Variants in GRIA2 observed in about 807,000 individuals in gnomAD.
GRIA2 encodes glutamate receptor 2.
A neutral mutation model predicts 97.3 loss-of-function variants in GRIA2; 14 were observed. The observed-to-expected ratio is 0.14, with a 90% CI of 0.10 to 0.23. GRIA2 has a LOEUF of 0.23. Ranked by LOEUF, GRIA2 falls within the 10% of genes least tolerant of loss-of-function variation. The probability of loss-of-function intolerance (pLI) is 1.00; values close to 1 mark genes in which losing one functional copy is unlikely to be tolerated. For synonymous variants in GRIA2, 412 were observed against 387.8 expected (o/e 1.06, Z -0.73); for missense variants, 558 against 1,069.8 (o/e 0.52, Z 6.67).
intron 14 of GRIA2, chr4:157,362,571 T>A: frequency 1.6e-6 from 1 of 606,340 alleles, no homozygotes; most frequent in South Asian, 1.7e-5. Context: ...AGAAGTTTAT[T>A]CCCTGCAGGT....
intron 2 of GRIA2, among the ~76,000 whole-genome samples, chr4:157,268,196 A>G (rs1731857018): frequency 2.0e-5 from 3 of 152,100 alleles, no homozygotes; most frequent in Non-Finnish European, 4.4e-5. Flanking sequence ...AATGTTTGGA[A>G]AATGACTTCA....
intron 6 of GRIA2, among the ~76,000 whole-genome samples, chr4:157,326,602 G>A (rs993125017): frequency 1.3e-5 from 2 of 152,116 alleles, no homozygotes; most frequent in Non-Finnish European, 2.9e-5. Context: ...ATATGGAATT[G>A]GAGACCTGAA....
At chr4:157,353,598 C>G (rs552217073) in intron 12 of GRIA2, among the ~76,000 whole-genome samples, 1 of 151,908 alleles carries the variant, frequency 6.6e-6, no homozygotes, top group African/African-American at 2.4e-5. Flanking sequence ...ATGGCATGAA[C>G]CCGGGAGGTG....
chr4:157,321,742 A>G (rs1219759086), intron 6 of GRIA2, 143 bp downstream of exon 6: 8 of 554,944 alleles, frequency 1.4e-5, no homozygotes, highest in Non-Finnish European at 9.5e-6. Flanking sequence ...TGCTAAATAT[A>G]TTTTTCACAT....
At chr4:157,330,189 T>G (rs2126926251) in intron 6 of GRIA2, among the ~76,000 whole-genome samples, 1 of 151,982 alleles carries the variant, frequency 6.6e-6, no homozygotes, top group Admixed American at 6.6e-5. Context: ...CCTTAGACAA[T>G]AATACTTTAG....
chr4:157,250,738 A>G (rs1004040192), intron 2 of GRIA2, among the ~76,000 whole-genome samples: 5 of 152,284 alleles, frequency 3.3e-5, no homozygotes, highest in African/African-American at 1.2e-4. Context: ...CAGGAAAAGG[A>G]TATGATAATC....
chr4:157,333,451 C>T, intron 8 of GRIA2, 98 bp downstream of exon 8: 1 of 538,632 alleles, frequency 1.9e-6, no homozygotes, highest in Non-Finnish European at 3.3e-6. Context: ...TGTGTATTCA[C>T]ATAGAGTTTA....
At chr4:157,355,923 T>TTATATATATA (rs1560781094) in intron 12 of GRIA2, among the ~76,000 whole-genome samples, 4 of 67,092 alleles carry the variant, frequency 6.0e-5, no homozygotes, top group Admixed American at 2.7e-4. Flanking sequence ...ATTAATATAT[T>TTATATATATA]TATATATATT....
intron 3 of GRIA2, among the ~76,000 whole-genome samples, chr4:157,306,340 A>G (rs1283884825): frequency 6.6e-6 from 1 of 152,168 alleles, no homozygotes; most frequent in East Asian, 1.9e-4. Flanking sequence ...AGATGGATGG[A>G]CTTACGTACT....
chr4:157,263,736 T>C lies in GRIA2; in HGVS notation c.230-39816T>C, dbSNP rs535321327. Among the ~76,000 whole-genome samples the C allele has an allele frequency of 2.0e-5, 3 of 152,190 alleles. No homozygotes were observed. The East Asian group carries it at 5.8e-4, about 29-fold the overall frequency. On this transcript the variant is annotated intron_variant, in intron 2 of 15. Transcript: ENST00000264426. ...TAAAAAATATCTACACAGTATATAG[T>C]CAATGAGAATCTTATTATAATTGCA...
At chr4:157,324,731 T>C (rs927868192) in intron 6 of GRIA2, among the ~76,000 whole-genome samples, 1 of 152,132 alleles carries the variant, frequency 6.6e-6, no homozygotes, top group Non-Finnish European at 1.5e-5. Flanking sequence ...GGTCCTTAAA[T>C]TGTCAACAGA....
intron 2 of GRIA2, among the ~76,000 whole-genome samples, chr4:157,299,471 C>A (rs1257458625): frequency 6.6e-6 from 1 of 152,096 alleles, no homozygotes; most frequent in Non-Finnish European, 1.5e-5. Context: ...ACTTATAAAT[C>A]TAAAATATGT....
chr4:157,335,938 T>C (rs1431731125), intron 10 of GRIA2, 61 bp downstream of exon 10: 3 of 1,038,314 alleles, frequency 2.9e-6, no homozygotes, highest in Non-Finnish European at 4.5e-6. Flanking sequence ...GACAGACTGC[T>C]TCCTCTCCCT....
intron 2 of GRIA2, among the ~76,000 whole-genome samples, chr4:157,259,895 A>C (rs1328282576): frequency 6.6e-6 from 1 of 152,094 alleles, no homozygotes; most frequent in African/African-American, 2.4e-5. Flanking sequence ...ATTTGATTAC[A>C]CATATTTTTT....
chr4:157,244,733 A>G lies in GRIA2; in HGVS notation c.229+22926A>G, dbSNP rs574552151. Among the ~76,000 whole-genome samples, 4 of 152,076 alleles carry G rather than the reference A, an allele frequency of 2.6e-5. No homozygotes were observed. The East Asian group carries it at 7.8e-4, about 30-fold the overall frequency. ...CACTGAAACTATTTTCTGAACAATA[A>G]TCTGTTGGCTTTGACTTCCTACCTC... On this transcript the variant is annotated intron_variant, in intron 2 of 15. Coordinates refer to ENST00000264426, the MANE Select transcript of GRIA2 (RefSeq NM_001083619.3).
chr4:157,363,422 T>C lies in GRIA2; in HGVS notation c.*4-13T>C. 1 of 1,241,468 alleles carries C rather than the reference T, an allele frequency of 8.1e-7. No homozygotes were observed. Among genetic ancestry groups the C allele is most frequent in the Non-Finnish European group, 1.0e-6 (1 of 989,798 alleles). The allele number at this position is 1,241,468 out of a possible 1,614,324, so 76.9% of individuals were successfully genotyped here. A position where few individuals can be genotyped will look rare whatever the true frequency, so the allele number is the denominator to read the frequency against. On this transcript the variant is annotated splice_polypyrimidine_tract_variant and intron_variant, in intron 15 of 15. Transcript: ENST00000264426. ...GATTTCTTTTTCTTTCTTTCCCTCC[T>C]CTCTCATTTAAGATGACCTTGAATG... is the stretch of plus-strand genomic sequence containing the variant.
At position 157,221,409 on chromosome 4, in the gene GRIA2, G is replaced by T. The variant is rs1729486190; in HGVS notation, c.89-258G>T. On this transcript the variant is annotated intron_variant, in intron 1 of 15. Transcript: ENST00000264426. ...TCCAGTTTGCTCAGATTTTCTTGGG[G>T]TCTGAATGCAAAGCTTGTGATTACA... 1.1e-5 allele frequency: 6 copies of T among 571,148 alleles called. No homozygotes were observed. The South Asian group carries it at 1.2e-4, about 11-fold the overall frequency. The allele number at this position is 571,148 out of a possible 1,614,324, so 35.4% of individuals were successfully genotyped here.
At chr4:157,360,967 A>C (rs766589710) in intron 13 of GRIA2, 43 bp from the exon 14 acceptor site, 2 of 1,390,822 alleles carry the variant, frequency 1.4e-6, no homozygotes, top group Non-Finnish European at 2.0e-6. Context: ...AAAAGTCTAA[A>C]ATTTGCTCAC....
At chr4:157,355,923 T>TTTATATATTAA (rs1736290476) in intron 12 of GRIA2, among the ~76,000 whole-genome samples, 4 of 67,090 alleles carry the variant, frequency 6.0e-5, no homozygotes, top group Non-Finnish European at 1.0e-4. Context: ...ATTAATATAT[T>TTTATATATTAA]TATATATATT....
Sources: gnomAD v4.1 joint callset for allele counts (sites outside exome capture counted in the v4.1 genomes callset) on GRCh38, gnomAD v4.1.1 for gene constraint, MANE v1.5 for transcripts, NCBI Gene and HGNC (gene_info 2026-07-23, HGNC 2026-07-21) for gene names.